The following RBM25 variants were observed in gnomAD, a reference collection of about 807,000 sequenced individuals.
The protein encoded by RBM25 is RNA binding motif protein 25, also known as RNA-binding protein 25.
RBM25 carries 19 observed loss-of-function variants against 120.7 expected under a neutral mutation model. That is an observed-to-expected ratio of 0.16 (90% CI 0.11 to 0.23). The LOEUF is 0.23. Among genes scored for constraint, RBM25 ranks in the 10% least tolerant of loss-of-function variants. The probability of loss-of-function intolerance (pLI) is 1.00; values close to 1 mark genes in which losing one functional copy is unlikely to be tolerated. For missense variants in RBM25, 605 were observed against 1,041.5 expected, an observed-to-expected ratio of 0.58 and a Z score of 5.77; for synonymous variants, 390 against 326.7, an observed-to-expected ratio of 1.19 and a Z score of -2.09.
At chr14:73,108,325 T>C (rs1438951956) in intron 13 of RBM25, among the ~76,000 whole-genome samples, 6 of 152,212 alleles carry the variant, frequency 3.9e-5, no homozygotes, top group South Asian at 2.1e-4. Flanking sequence ...GGTTGGACTA[T>C]AGGTGTGGGC....
Position 73,123,143 on chromosome 14 carries a change from G to A in RBM25, c.*3338G>A, listed in dbSNP as rs1896564949. On this transcript the variant is annotated 3_prime_UTR_variant, in exon 19 of 19. Coordinates refer to ENST00000261973, the MANE Select transcript of RBM25 (RefSeq NM_021239.3). ...TTCCCTGTAAACTATGTAAGTGTAA[G>A]CTAATGATTATTTTGTGAAGCGTGC... 2.6e-5 allele frequency: 4 copies of A among 151,786 alleles called. No homozygotes were observed. The South Asian group carries it at 8.3e-4, about 32-fold the overall frequency. 9.4% of individuals were successfully genotyped at this position (151,786 alleles called of 1,614,324 possible).
At position 73,120,502 on chromosome 14, in the gene RBM25, G is replaced by A. The variant is rs997717342; in HGVS notation, c.*697G>A. ...GTTTCCCAGAGCATGGTGTTCTCGTGTCGTGAGCAATGTGGTTTGCTAACT... is the reference window on the plus strand; with the variant it reads ...GTTTCCCAGAGCATGGTGTTCTCGTATCGTGAGCAATGTGGTTTGCTAACT... On this transcript the variant is annotated 3_prime_UTR_variant, in exon 19 of 19. Transcript: ENST00000261973. The A allele has an allele frequency of 6.6e-6, 1 of 152,590 alleles. No individual in the cohort carries two copies. The highest frequency in any genetic ancestry group is 1.9e-4 in the East Asian group (1 of 5,204). 9.5% of individuals were successfully genotyped at this position (152,590 alleles called of 1,614,324 possible).
chr14:73,085,094 C>G (rs905730804), intron 5 of RBM25, among the ~76,000 whole-genome samples: 65 of 152,024 alleles, frequency 4.3e-4, no homozygotes, highest in African/African-American at 1.6e-3. Context: ...TCTTGGCTCA[C>G]TGCAATCTCC....
At chr14:73,100,374 C>A in intron 9 of RBM25, 2 of 636,928 alleles carry the variant, frequency 3.1e-6, no homozygotes, top group Non-Finnish European at 5.7e-6. Flanking sequence ...TAAGTATGAG[C>A]TTCTGTTTTT....
At chr14:73,074,907 T>G (rs1895378062) in intron 2 of RBM25, among the ~76,000 whole-genome samples, 2 of 151,942 alleles carry the variant, frequency 1.3e-5, no homozygotes, top group Non-Finnish European at 2.9e-5. Context: ...GGTTTTGCCG[T>G]GTTGGCTCAA....
intron 1 of RBM25, among the ~76,000 whole-genome samples, chr14:73,067,593 T>C (rs923005003): frequency 6.6e-6 from 1 of 150,892 alleles, no homozygotes; most frequent in Non-Finnish European, 1.5e-5. Flanking sequence ...TTTTCATGTT[T>C]TATTGCCTGT....
chr14:73,119,355 T>A lies in RBM25; in HGVS notation c.2440-358T>A, dbSNP rs150589487. Among the ~76,000 whole-genome samples the A allele has an allele frequency of 4.4e-3, 672 of 152,262 alleles. 3 individuals carry two copies. Among genetic ancestry groups the A allele is most frequent in the African/African-American group, 0.016 (647 of 41,556 alleles). On this transcript the variant is annotated intron_variant, in intron 18 of 18. Transcript: ENST00000261973. Reference sequence around the variant, plus strand: ...TGGCGCGATCTTGGCAAGCTCCGCCTCCTGGGTTCACGTCATTCTCCTGCC... The same window carrying A: ...TGGCGCGATCTTGGCAAGCTCCGCCACCTGGGTTCACGTCATTCTCCTGCC...
chr14:73,087,671 A>C (rs1895720358), intron 5 of RBM25, among the ~76,000 whole-genome samples: 1 of 152,222 alleles, frequency 6.6e-6, no homozygotes, highest in Non-Finnish European at 1.5e-5. Context: ...CTGGGATTAC[A>C]GGCATGAGCC....
At chr14:73,086,117 T>C (rs1895679253) in intron 5 of RBM25, among the ~76,000 whole-genome samples, 1 of 151,916 alleles carries the variant, frequency 6.6e-6, no homozygotes, top group Non-Finnish European at 1.5e-5. Flanking sequence ...GAAATTGTTT[T>C]GAAGATCACG....
intron 18 of RBM25, among the ~76,000 whole-genome samples, chr14:73,116,037 TA>T (rs1177071204): frequency 6.6e-6 from 1 of 151,612 alleles, no homozygotes; most frequent in Non-Finnish European, 1.5e-5. Context: ...TTACAGTGGA[TA>T]AGGTGGTGAG....
In RBM25 at chr14:73,120,013, C is replaced by T. The variant is rs1186196257; in HGVS notation, c.*208C>T. The stretch of plus-strand genomic sequence containing the variant: ...CTGAATCCTTGGTTCTCTTTATACT[C>T]ACCAGGTACAAATTACTGGTATGTT... On this transcript the variant is annotated 3_prime_UTR_variant, in exon 19 of 19. Coordinates refer to ENST00000261973, the MANE Select transcript of RBM25 (RefSeq NM_021239.3). 3 of 603,574 alleles carry T rather than the reference C, an allele frequency of 5.0e-6. No homozygotes were observed. Among genetic ancestry groups the T allele is most frequent in the Admixed American group, 8.6e-5 (2 of 23,318 alleles). The allele number at this position is 603,574 out of a possible 1,614,324, so 37.4% of individuals were successfully genotyped here.
At position 73,103,155 on chromosome 14, in the gene RBM25, C is replaced by T. The variant is rs540619514; in HGVS notation, c.868-37C>T. ...GGGAAAAATCTGAATACTGGAGCTA[C>T]AGAGTTAACTCTAAAAGTGCTTTTA... On this transcript the variant is annotated intron_variant, in intron 9 of 18. Coordinates refer to ENST00000261973, the MANE Select transcript of RBM25 (RefSeq NM_021239.3). 21 of 1,585,216 alleles carry T rather than the reference C, an allele frequency of 1.3e-5. 1 individual carries two copies. In the South Asian group the frequency reaches 2.5e-4, roughly 19 times the overall value.
At chr14:73,107,182 G>T (rs923005704) in intron 12 of RBM25, 3 of 152,174 alleles carry the variant, frequency 2.0e-5, no homozygotes, top group Admixed American at 1.3e-4. Context: ...TTTTGTTGGT[G>T]TGCTTAGGTA....
intron 18 of RBM25, among the ~76,000 whole-genome samples, chr14:73,116,167 G>A (rs187691083): frequency 2.7e-4 from 41 of 152,200 alleles, no homozygotes; most frequent in Middle Eastern, 3.4e-3. Context: ...GAGAAGTGCC[G>A]GGGCTCTAGG....
intron 6 of RBM25, among the ~76,000 whole-genome samples, chr14:73,096,448 T>C (rs1895943610): frequency 6.6e-6 from 1 of 152,072 alleles, no homozygotes; most frequent in South Asian, 2.1e-4. Flanking sequence ...CAGTTTGGTA[T>C]ATTTAGCAAT....
At chr14:73,096,161 A>G (rs369740979) in intron 6 of RBM25, among the ~76,000 whole-genome samples, 1 of 152,068 alleles carries the variant, frequency 6.6e-6, no homozygotes, top group Non-Finnish European at 1.5e-5. Flanking sequence ...TATTTTTAGT[A>G]GAGTGGGGTT....
At chr14:73,103,542 GA>G in intron 10 of RBM25, 64 bp downstream of exon 10, 1 of 1,513,370 alleles carries the variant, frequency 6.6e-7, no homozygotes, top group Non-Finnish European at 8.8e-7. Context: ...TAGTCCTCCA[GA>G]GTACCATTTG....
rs1896174499 is a variant in RBM25 at position 73,105,844 on chromosome 14, T to C, written c.1155-15T>C. The C allele has an allele frequency of 1.2e-6, 2 of 1,601,946 alleles. No homozygotes were observed. The highest frequency in any genetic ancestry group is 1.7e-6 in the Non-Finnish European group (2 of 1,175,350). ...AGTAGACTGACAGATTTGTAAAATA[T>C]TTTGTTTACATTAGAGAAAAAAGCA... On this transcript the variant is annotated splice_polypyrimidine_tract_variant and intron_variant, in intron 10 of 18. Coordinates refer to ENST00000261973, the MANE Select transcript of RBM25 (RefSeq NM_021239.3).
chr14:73,072,238 C>A (rs1220867650), intron 2 of RBM25, among the ~76,000 whole-genome samples: 1 of 151,554 alleles, frequency 6.6e-6, no homozygotes, highest in African/African-American at 2.4e-5. Flanking sequence ...TCCCAAAGTG[C>A]GGGATTACAG....
Sources: allele counts gnomAD v4.1 joint callset (sites outside exome capture counted in the v4.1 genomes callset), GRCh38; gene constraint gnomAD v4.1.1; transcripts MANE v1.5; gene names NCBI Gene and HGNC (gene_info 2026-07-23, HGNC 2026-07-21).